The following TNRC18 variants were observed in gnomAD, a reference collection of about 807,000 sequenced individuals.
The protein encoded by TNRC18 is trinucleotide repeat-containing gene 18 protein.
In TNRC18, 69 loss-of-function variants were observed where a neutral mutation model predicts 226.7. The ratio of observed to expected loss-of-function variants is 0.30; its 90% CI spans 0.25 to 0.37. TNRC18 has a LOEUF of 0.37. Among genes scored for constraint, TNRC18 ranks in the 10% least tolerant of loss-of-function variants. The probability of loss-of-function intolerance (pLI) is 1.00; values close to 1 mark genes in which losing one functional copy is unlikely to be tolerated. For synonymous variants in TNRC18, 2,449 were observed against 1,927.6 expected (o/e 1.27, Z -7.09); for missense variants, 4,754 against 4,256.6 (o/e 1.12, Z -3.25).
Position 5,421,216 on chromosome 7 carries a change from A to T in TNRC18, c.31T>A (p.Ser11Thr). The T allele has an allele frequency of 7.5e-7, 1 of 1,328,154 alleles. No homozygotes were observed. The highest frequency in any genetic ancestry group is 9.7e-7 in the Non-Finnish European group (1 of 1,036,216). 82.3% of individuals were successfully genotyped at this position (1,328,154 alleles called of 1,614,324 possible). The change falls in exon 2 of 30, where the codon TCC (serine) becomes ACC (threonine). Residue 11 changes from serine (S) to threonine (T), a missense_variant. Coordinates refer to ENST00000430969, the MANE Select transcript of TNRC18 (RefSeq NM_001080495.3). Reference sequence around the variant, plus strand: ...AGCGGCGGCGGGGGACCGTGCACGGACCGCTGGGGCCCGAAGTCTCGGCCA... The same window carrying T: ...AGCGGCGGCGGGGGACCGTGCACGGTCCGCTGGGGCCCGAAGTCTCGGCCA... MDGRDFGPQR[S>T]VHGPPPPLLS...
At chr7:5,364,426 C>T (rs564743849) in intron 11 of TNRC18, among the ~76,000 whole-genome samples, 17 of 151,054 alleles carry the variant, frequency 1.1e-4, no homozygotes, top group Non-Finnish European at 2.4e-4. Context: ...CCACTGCACT[C>T]CAGCCTGGGC....
At chr7:5,408,061 C>G (rs926696891) in intron 2 of TNRC18, among the ~76,000 whole-genome samples, 3 of 152,056 alleles carry the variant, frequency 2.0e-5, no homozygotes, top group Admixed American at 2.0e-4. Flanking sequence ...CAAAAGTGGC[C>G]GGGCGCAGTA....
intron 11 of TNRC18, 25 bp downstream of exon 11, chr7:5,370,350 G>C (rs2128171848): frequency 6.6e-7 from 1 of 1,525,628 alleles, no homozygotes; most frequent in Admixed American, 2.0e-5. Context: ...CGAATCTGCA[G>C]AACTCAGAGG....
chr7:5,391,779 T>C (rs1780316801), intron 3 of TNRC18, among the ~76,000 whole-genome samples: 1 of 149,454 alleles, frequency 6.7e-6, no homozygotes, highest in African/African-American at 2.5e-5. Flanking sequence ...GGAGGATTGC[T>C]TGAGCCCAGG....
At chr7:5,422,100 CCT>C (rs1005182817) in intron 1 of TNRC18, among the ~76,000 whole-genome samples, 3 of 152,118 alleles carry the variant, frequency 2.0e-5, no homozygotes, top group Non-Finnish European at 2.9e-5. Context: ...TGGTCCCCCC[CCT>C]TTCTCCCCCC....
Position 5,388,998 on chromosome 7 carries a change from G to T in TNRC18, c.826C>A (p.Leu276Met). ...LAESKTKNAA[L>M]QPSVLTMCNG... ...CACATGGTCAGTACCGACGGCTGCA[G>T]CGCCGCATTCTTGGTCTTGGACTCA... Residue 276 changes from leucine to methionine, a missense_variant, in exon 5 of 30, where the codon CTG (leucine) becomes ATG (methionine). By Grantham distance (15) the Leu-to-Met change is conservative. Coordinates refer to ENST00000430969, the MANE Select transcript of TNRC18 (RefSeq NM_001080495.3). 7.3e-7 allele frequency: 1 copy of T among 1,361,514 alleles called. No homozygotes were observed. 84.3% of individuals were successfully genotyped at this position (1,361,514 alleles called of 1,614,324 possible). A position where few individuals can be genotyped will look rare whatever the true frequency, so the allele number is the denominator to read the frequency against.
chr7:5,370,987 C>T lies in TNRC18; in HGVS notation c.3607G>A (p.Ala1203Thr), dbSNP rs761947501. The T allele has an allele frequency of 1.2e-6, 2 of 1,606,494 alleles. No individual in the cohort carries two copies. Among genetic ancestry groups the T allele is most frequent in the East Asian group, 2.2e-5 (1 of 44,874 alleles). ...AGGCGGGLLE[A>T]QALSATGQSC... ...TGCCCGGTGGCACTCAGCGCCTGGGCCTCCAACAGGCCACCTCCACAACCC... is the reference window on the plus strand; with the variant it reads ...TGCCCGGTGGCACTCAGCGCCTGGGTCTCCAACAGGCCACCTCCACAACCC... Residue 1203 changes from alanine (A) to threonine (T), a missense_variant, in exon 11 of 30, where the codon GCC becomes ACC. By Grantham distance (58) the Ala-to-Thr change is moderately conservative. Transcript: ENST00000430969.
chr7:5,367,576 C>T (rs1370742304), intron 11 of TNRC18, among the ~76,000 whole-genome samples: 23 of 150,928 alleles, frequency 1.5e-4, no homozygotes, highest in African/African-American at 4.9e-4. Flanking sequence ...TACAGGTGCC[C>T]GCCACCACGC....
At chr7:5,364,441 G>A (rs765006443) in intron 11 of TNRC18, among the ~76,000 whole-genome samples, 8 of 144,220 alleles carry the variant, frequency 5.5e-5, no homozygotes, top group Non-Finnish European at 9.1e-5. Context: ...CTGGGCAACA[G>A]AGCGAGCCTG....
rs750921720 is a variant in TNRC18 at position 5,313,511 on chromosome 7, C to T, written c.7380G>A (p.Leu2460=). 14 of 1,613,064 alleles carry T rather than the reference C, an allele frequency of 8.7e-6. No individual in the cohort carries two copies. Residue 2460 remains leucine, a synonymous_variant, in exon 27 of 30, where the codon CTG becomes CTA. Transcript: ENST00000430969. ...GPRRPGEEAE[L]LVKLDHEGVT... is the part of the protein sequence containing the mutation. ...CACCCTCGTGGTCCAGTTTGACAAG[C>T]AGCTCGGCCTCCTCCCCCGGCCTCC...
chr7:5,378,358 C>G (rs1779156431), intron 5 of TNRC18, among the ~76,000 whole-genome samples: 1 of 152,148 alleles, frequency 6.6e-6, no homozygotes. Flanking sequence ...TGTCACATAA[C>G]AATGAAACGT....
chr7:5,364,104 G>A (rs1793364618), intron 11 of TNRC18, among the ~76,000 whole-genome samples: 1 of 152,132 alleles, frequency 6.6e-6, no homozygotes, highest in African/African-American at 2.4e-5. Flanking sequence ...TTTGAGACCA[G>A]TCTGGCCAAC....
At chr7:5,339,308 C>T (rs1303943167) in intron 18 of TNRC18, among the ~76,000 whole-genome samples, 2 of 150,222 alleles carry the variant, frequency 1.3e-5, no homozygotes, top group African/African-American at 4.9e-5. Flanking sequence ...GGTGCAGTCT[C>T]AGCTCACTGC....
intron 27 of TNRC18, among the ~76,000 whole-genome samples, chr7:5,310,987 T>C (rs1047376397): frequency 1.1e-4 from 16 of 151,786 alleles, no homozygotes; most frequent in East Asian, 3.9e-4. Flanking sequence ...TGCACGTGCA[T>C]GGATGCACGT....
At chr7:5,330,036 C>G (rs938865883) in intron 19 of TNRC18, 1 of 470,456 alleles carries the variant, frequency 2.1e-6, no homozygotes, top group Non-Finnish European at 4.4e-6. Flanking sequence ...CACCCCACAT[C>G]TCAGCATCCC....
chr7:5,346,438 G>C (rs1423497035), intron 17 of TNRC18, among the ~76,000 whole-genome samples: 1 of 152,180 alleles, frequency 6.6e-6, no homozygotes, highest in African/African-American at 2.4e-5. Flanking sequence ...GGAGGTTGCA[G>C]TGAGCTGAGA....
At chr7:5,330,272 T>C (rs1789378842) in intron 19 of TNRC18, among the ~76,000 whole-genome samples, 1 of 152,200 alleles carries the variant, frequency 6.6e-6, no homozygotes, top group South Asian at 2.1e-4. Flanking sequence ...TTCTGTTGCC[T>C]AGGCTGGAGT....
rs752572787 is a variant in TNRC18 at position 5,345,773 on chromosome 7, G to A, written c.5508C>T (p.Leu1836=). ...SSEEEDEEEE[L]EEEDEASGGG... is the part of the protein sequence containing the mutation. ...CACCGCTGGCCTCGTCCTCCTCCTCGAGCTCCTCCTCCTCGTCCTCCTCCT... is the reference window on the plus strand; with the variant it reads ...CACCGCTGGCCTCGTCCTCCTCCTCAAGCTCCTCCTCCTCGTCCTCCTCCT... The change falls in exon 18 of 30, where the codon CTC becomes CTT. Residue 1836 remains leucine, a synonymous_variant. Coordinates refer to ENST00000430969, the MANE Select transcript of TNRC18 (RefSeq NM_001080495.3). The A allele has an allele frequency of 1.2e-5, 18 of 1,546,392 alleles. No individual in the cohort carries two copies. Among genetic ancestry groups the A allele is most frequent in the African/African-American group, 5.5e-5 (4 of 72,868 alleles).
At chr7:5,371,413 C>T (rs1169043354) in intron 10 of TNRC18, 49 bp from the exon 11 acceptor site, 1 of 1,465,320 alleles carries the variant, frequency 6.8e-7, no homozygotes, top group Non-Finnish European at 9.0e-7. Flanking sequence ...TCTGATATCC[C>T]ATGTCCCCAC....
Sources: allele counts gnomAD v4.1 joint callset (sites outside exome capture counted in the v4.1 genomes callset), GRCh38; gene constraint gnomAD v4.1.1; transcripts MANE v1.5; gene names NCBI Gene and HGNC (gene_info 2026-07-23, HGNC 2026-07-21).